Variants in NXPH1 observed in about 807,000 individuals in gnomAD.
NXPH1 encodes neurexophilin 1, also known as neurexophilin-1.
A neutral mutation model predicts 23.7 loss-of-function variants in NXPH1; 5 were observed. The ratio of observed to expected loss-of-function variants is 0.21; its 90% CI spans 0.11 to 0.44. NXPH1 has a LOEUF of 0.44. Among genes scored for constraint, NXPH1 ranks in the 20% least tolerant of loss-of-function variants. The probability of loss-of-function intolerance (pLI) is 0.99; values close to 1 mark genes in which losing one functional copy is unlikely to be tolerated. For missense variants in NXPH1, 324 were observed against 321.6 expected, an observed-to-expected ratio of 1.01 and a Z score of -0.06; for synonymous variants, 144 against 122.2, an observed-to-expected ratio of 1.18 and a Z score of -1.18.
intron 2 of NXPH1, among the ~76,000 whole-genome samples, chr7:8,603,853 G>A (rs1819416926): frequency 1.3e-5 from 2 of 151,826 alleles, no homozygotes; most frequent in Admixed American, 1.3e-4. Context: ...ATGTTTTATT[G>A]CTTATTTATT....
chr7:8,733,742 A>T (rs1780198251), intron 2 of NXPH1, among the ~76,000 whole-genome samples: 1 of 151,658 alleles, frequency 6.6e-6, no homozygotes, highest in Non-Finnish European at 1.5e-5. Context: ...TTTTCTTGTA[A>T]ATTTGTTTAA....
intron 2 of NXPH1, among the ~76,000 whole-genome samples, chr7:8,513,058 A>G (rs1001446246): frequency 1.3e-5 from 2 of 152,092 alleles, no homozygotes; most frequent in African/African-American, 2.4e-5. Context: ...TACAGAGTCA[A>G]TATGAGAATT....
chr7:8,631,577 G>A (rs2349497), intron 2 of NXPH1, among the ~76,000 whole-genome samples: 41,896 of 151,892 alleles, frequency 0.28, 6,231 homozygotes, highest in African/African-American at 0.35. Flanking sequence ...CTAGTATGGT[G>A]CTAATAATAG....
In NXPH1 at chr7:8,514,819, C is replaced by T. The variant is rs529666222; in HGVS notation, c.54+79052C>T. Reference sequence around the variant, plus strand: ...CACTTCCTGCCCCTCCACTCACCTCCCCTTGCTACAAGTCAGTAGTTCAGT... The same window carrying T: ...CACTTCCTGCCCCTCCACTCACCTCTCCTTGCTACAAGTCAGTAGTTCAGT... On this transcript the variant is annotated intron_variant, in intron 2 of 2. Transcript: ENST00000405863. Among the ~76,000 whole-genome samples the T allele has an allele frequency of 1.4e-3, 216 of 152,222 alleles. 1 individual carries two copies. Among genetic ancestry groups the T allele is most frequent in the African/African-American group, 4.9e-3 (205 of 41,556 alleles).
chr7:8,515,346 G>A (rs943824179), intron 2 of NXPH1, among the ~76,000 whole-genome samples: 9 of 152,038 alleles, frequency 5.9e-5, no homozygotes, highest in African/African-American at 2.2e-4. Context: ...GATAGATCAT[G>A]GGACACATGG....
intron 2 of NXPH1, among the ~76,000 whole-genome samples, chr7:8,581,997 T>A (rs1402609600): frequency 6.6e-6 from 1 of 152,096 alleles, no homozygotes; most frequent in Non-Finnish European, 1.5e-5. Flanking sequence ...GAGGGGTGTG[T>A]GGGTGAGCAA....
chr7:8,573,516 T>C (rs1194891025), intron 2 of NXPH1, among the ~76,000 whole-genome samples: 2 of 152,078 alleles, frequency 1.3e-5, no homozygotes, highest in East Asian at 1.9e-4. Flanking sequence ...TAGTATGTAT[T>C]TGGCAACAAG....
intron 2 of NXPH1, among the ~76,000 whole-genome samples, chr7:8,606,420 A>G (rs951071977): frequency 6.6e-5 from 10 of 152,136 alleles, no homozygotes; most frequent in African/African-American, 2.2e-4. Flanking sequence ...ACTGTTAACA[A>G]TGTGATGTAT....
At chr7:8,655,922 C>T (rs1470405010) in intron 2 of NXPH1, among the ~76,000 whole-genome samples, 6 of 152,294 alleles carry the variant, frequency 3.9e-5, no homozygotes, top group South Asian at 4.1e-4. Flanking sequence ...TTGGCACAAC[C>T]GTAAGCACAG....
chr7:8,717,015 C>A (rs1198865060), intron 2 of NXPH1, among the ~76,000 whole-genome samples: 1 of 152,164 alleles, frequency 6.6e-6, no homozygotes, highest in Non-Finnish European at 1.5e-5. Context: ...AGTTGTTAAC[C>A]ATTTTGAATT....
In NXPH1 at chr7:8,701,173, C is replaced by T. The variant is rs756627869; in HGVS notation, c.55-49835C>T. ...CTGTAACCTTTATCTCTTGCCTGGA[C>T]GATTGCAATAGTTTTCCATAACTCC... On this transcript the variant is annotated intron_variant, in intron 2 of 2. Coordinates refer to ENST00000405863, the MANE Select transcript of NXPH1 (RefSeq NM_152745.3). Among the ~76,000 whole-genome samples the T allele has an allele frequency of 3.3e-5, 5 of 151,944 alleles. No homozygotes were observed. The East Asian group carries it at 5.8e-4, about 18-fold the overall frequency.
chr7:8,751,266 A>G lies in NXPH1; in HGVS notation c.313A>G (p.Lys105Glu). The G allele has an allele frequency of 6.2e-7, 1 of 1,613,938 alleles. No homozygotes were observed. The highest frequency in any genetic ancestry group is 8.5e-7 in the Non-Finnish European group (1 of 1,179,844). ...CCTTCAAGAGCCTCGGCCCAGGGCC[A>G]AGAGAAGGCCCATTGTTAAAACGGG... Reference protein sequence around the residue: ...TDLQEPRPRAKRRPIVKTGKF... With the variant: ...TDLQEPRPRAERRPIVKTGKF... Residue 105 changes from lysine (K) to glutamate (E), a missense_variant, in exon 3 of 3, where the codon AAG becomes GAG. Lys to Glu is a moderately conservative substitution (Grantham distance 56, BLOSUM62 1). Transcript: ENST00000405863. This position sits in a 1 kb window ranked among gnomAD's most constrained non-coding sequence, Gnocchi z 4.5.
intron 2 of NXPH1, among the ~76,000 whole-genome samples, chr7:8,562,406 G>T (rs1562403113): frequency 6.6e-6 from 1 of 151,630 alleles, no homozygotes; most frequent in Non-Finnish European, 1.5e-5. Context: ...AGAGAGCTTT[G>T]TAAATGCATG....
At chr7:8,745,719 A>ATTTTTTTTTTTTTTTTTTT (rs56019801) in intron 2 of NXPH1, among the ~76,000 whole-genome samples, 1 of 111,846 alleles carries the variant, frequency 8.9e-6, no homozygotes. Flanking sequence ...CGCCCAGCTA[A>ATTTTTTTTTTTTTTTTTTT]TTTTTTTTTT....
chr7:8,450,472 T>C (rs1291636977), intron 2 of NXPH1, among the ~76,000 whole-genome samples: 1 of 152,258 alleles, frequency 6.6e-6, no homozygotes, highest in Admixed American at 6.5e-5. Context: ...AAAGATGAAG[T>C]AGAAAACTTC....
intron 2 of NXPH1, among the ~76,000 whole-genome samples, chr7:8,478,058 A>AG (rs1447954700): frequency 7.2e-5 from 11 of 152,154 alleles, no homozygotes; most frequent in Non-Finnish European, 1.2e-4. Flanking sequence ...AATGAATAAA[A>AG]AGATGAATGC....
At chr7:8,489,262 GC>G (rs1817209825) in intron 2 of NXPH1, among the ~76,000 whole-genome samples, 1 of 151,976 alleles carries the variant, frequency 6.6e-6, no homozygotes, top group South Asian at 2.1e-4. Flanking sequence ...AAAGGGGGTG[GC>G]CTTCTCATAT....
rs558871341 is a variant in NXPH1 at position 8,695,672 on chromosome 7, A to G, written c.55-55336A>G. 7.9e-5 allele frequency among the ~76,000 whole-genome samples: 12 copies of G among 152,300 alleles called. No individual in the cohort carries two copies. The South Asian group carries it at 2.3e-3, about 29-fold the overall frequency. On this transcript the variant is annotated intron_variant, in intron 2 of 2. Coordinates refer to ENST00000405863, the MANE Select transcript of NXPH1 (RefSeq NM_152745.3). ...GGTCTTCCAACTTAACTTCTAATAT[A>G]CTAAGTATTTTGTGCCATAGTTAAA...
intron 2 of NXPH1, among the ~76,000 whole-genome samples, chr7:8,500,199 G>A (rs1817408870): frequency 6.6e-6 from 1 of 152,048 alleles, no homozygotes; most frequent in African/African-American, 2.4e-5. Context: ...GTCTGGCATG[G>A]ACTTAATTAG....
Sources: allele counts gnomAD v4.1 joint callset (sites outside exome capture counted in the v4.1 genomes callset), GRCh38; gene constraint gnomAD v4.1.1; non-coding constraint Gnocchi (gnomAD v3.1); transcripts MANE v1.5; gene names NCBI Gene and HGNC (gene_info 2026-07-23, HGNC 2026-07-21).